EPAS1: variants seen among roughly 807,000 people sequenced by gnomAD.
EPAS1 encodes the protein endothelial PAS domain protein 1, also known as endothelial PAS domain-containing protein 1.
In EPAS1, 23 loss-of-function variants were observed where a neutral mutation model predicts 87.9. That is an observed-to-expected ratio of 0.26 (90% CI 0.19 to 0.37). The LOEUF is 0.37. Ranked by LOEUF, EPAS1 falls within the 10% of genes least tolerant of loss-of-function variation. EPAS1 has a pLI of 1.00. For synonymous variants in EPAS1, 508 were observed against 444.3 expected (o/e 1.14, Z -1.80); for missense variants, 1,138 against 1,120.7 (o/e 1.02, Z -0.22).
chr2:46,322,510 C>T (rs533535986), intron 1 of EPAS1, among the ~76,000 whole-genome samples: 6 of 152,320 alleles, frequency 3.9e-5, no homozygotes, highest in South Asian at 2.1e-4. Context: ...ATTTCTTACT[C>T]GGCCCGCAGG....
Position 46,375,600 on chromosome 2 carries a change from A to G in EPAS1, c.887-90A>G. The G allele has an allele frequency of 2.0e-6, 3 of 1,504,038 alleles. No individual in the cohort carries two copies. Among genetic ancestry groups the G allele is most frequent in the Middle Eastern group, 1.8e-4 (1 of 5,538 alleles). The allele number at this position is 1,504,038 out of a possible 1,614,324, so 93.2% of individuals were successfully genotyped here. On this transcript the variant is annotated intron_variant, in intron 7 of 15. Coordinates refer to ENST00000263734, the MANE Select transcript of EPAS1 (RefSeq NM_001430.5). This position sits in a 1 kb window ranked among gnomAD's most constrained non-coding sequence, Gnocchi z 4.1. Reference sequence around the variant, plus strand: ...CCCTGTTCTGTCTGTTCCCCTGCAGATTAGACTGCCCTCCCATGCGATCTG... The same window carrying G: ...CCCTGTTCTGTCTGTTCCCCTGCAGGTTAGACTGCCCTCCCATGCGATCTG...
At chr2:46,314,205 C>T (rs902937619) in intron 1 of EPAS1, among the ~76,000 whole-genome samples, 9 of 152,096 alleles carry the variant, frequency 5.9e-5, no homozygotes, top group Admixed American at 1.3e-4. Context: ...ATGTTTACAC[C>T]GGAGGAGTAG....
intron 6 of EPAS1, among the ~76,000 whole-genome samples, chr2:46,367,497 G>A (rs895288943): frequency 2.6e-5 from 4 of 152,244 alleles, no homozygotes; most frequent in African/African-American, 7.2e-5. Flanking sequence ...CCATTTGATC[G>A]TAGGACCAGC....
At position 46,356,579 on chromosome 2, in the gene EPAS1, G is replaced by A. The variant is rs1440549110; in HGVS notation, c.370-145G>A. 4.0e-6 allele frequency: 3 copies of A among 758,820 alleles called. No homozygotes were observed. In the African/African-American group the frequency reaches 5.1e-5, roughly 13 times the overall value. The allele number at this position is 758,820 out of a possible 1,614,324, so 47.0% of individuals were successfully genotyped here. ...AGTCCCCGATTACATCTTTCTGTCT[G>A]TGGACCTGACACTGGACTGGGATTA... On this transcript the variant is annotated intron_variant, in intron 3 of 15. Transcript: ENST00000263734.
At chr2:46,325,403 T>C (rs930969596) in intron 1 of EPAS1, among the ~76,000 whole-genome samples, 4 of 152,218 alleles carry the variant, frequency 2.6e-5, no homozygotes, top group African/African-American at 7.2e-5. Flanking sequence ...GCTGAGGGAC[T>C]AGGAGAGGCA....
intron 1 of EPAS1, among the ~76,000 whole-genome samples, chr2:46,331,607 A>C (rs1354133140): frequency 6.6e-6 from 1 of 152,246 alleles, no homozygotes; most frequent in South Asian, 2.1e-4. Context: ...CGTCACTCCA[A>C]TGAAGCCAAA....
intron 1 of EPAS1, among the ~76,000 whole-genome samples, chr2:46,307,081 T>C (rs1867784): frequency 0.41 from 61,670 of 152,170 alleles, 15,036 homozygotes; most frequent in Middle Eastern, 0.58. Context: ...TCCAGTGAGA[T>C]TGCTTTCGCA....
Position 46,386,389 on chromosome 2 carries a change from T to C in EPAS1, c.*1729T>C, listed in dbSNP as rs540325300. 6.6e-6 allele frequency: 1 copy of C among 152,646 alleles called. No individual in the cohort carries two copies. Among genetic ancestry groups the C allele is most frequent in the Non-Finnish European group, 1.5e-5 (1 of 68,040 alleles). 9.5% of individuals were successfully genotyped at this position (152,646 alleles called of 1,614,324 possible). A position where few individuals can be genotyped will look rare whatever the true frequency, so the allele number is the denominator to read the frequency against. Reference sequence around the variant, plus strand: ...TTCCTTAGTCATGGTGTTGCGTAAATCATATTTTAGCTGCACGGCATTACC... The same window carrying C: ...TTCCTTAGTCATGGTGTTGCGTAAACCATATTTTAGCTGCACGGCATTACC... On this transcript the variant is annotated 3_prime_UTR_variant, in exon 16 of 16. Coordinates refer to ENST00000263734, the MANE Select transcript of EPAS1 (RefSeq NM_001430.5).
intron 3 of EPAS1, 37 bp downstream of exon 3, chr2:46,356,339 G>A: frequency 6.2e-7 from 1 of 1,613,536 alleles, no homozygotes; most frequent in East Asian, 2.2e-5. Context: ...AAGAAGAAAT[G>A]TTTCCATTTG....
chr2:46,346,161 G>A lies in EPAS1; in HGVS notation c.27-712G>A, dbSNP rs986300130. On this transcript the variant is annotated intron_variant, in intron 1 of 15. Coordinates refer to ENST00000263734, the MANE Select transcript of EPAS1 (RefSeq NM_001430.5). The surrounding 1 kb of genome is among the most constrained non-coding windows in gnomAD (Gnocchi z 4.0). ...CAGGCTTCAGTGCGTGTCATCTTTC[G>A]TTCCATCCTGCAGCAAAGAGGAGAA... Among the ~76,000 whole-genome samples, 6 of 152,162 alleles carry A rather than the reference G, an allele frequency of 3.9e-5. No homozygotes were observed. The highest frequency in any genetic ancestry group is 5.9e-5 in the Non-Finnish European group (4 of 68,032).
chr2:46,297,617 C>T lies in EPAS1; in HGVS notation c.-295C>T. The T allele has an allele frequency of 4.4e-6, 2 of 457,012 alleles. No individual in the cohort carries two copies. The highest frequency in any genetic ancestry group is 4.0e-6 in the Non-Finnish European group (1 of 252,242). The allele number at this position is 457,012 out of a possible 1,614,324, so 28.3% of individuals were successfully genotyped here. ...GACTCCTTTTCCAGGGAAAAAGGAA[C>T]TTGGGTTCCCTTCTCTCCGTCCTCT... On this transcript the variant is annotated 5_prime_UTR_variant, in exon 1 of 16. Transcript: ENST00000263734.
intron 1 of EPAS1, among the ~76,000 whole-genome samples, chr2:46,315,938 A>C (rs1382016139): frequency 6.6e-6 from 1 of 152,216 alleles, no homozygotes; most frequent in East Asian, 1.9e-4. Context: ...TTTTCTTCTG[A>C]TTATAAAAAA....
chr2:46,379,620 T>TCTGCTTGTATTCCC (rs2103670842), intron 11 of EPAS1: 1 of 137,724 alleles, frequency 7.3e-6, no homozygotes, highest in East Asian at 1.8e-4. Flanking sequence ...GTTTTCCGCA[T>TCTGCTTGTATTCCC]CTGCTTGTAT....
chr2:46,336,840 C>T (rs1683802533), intron 1 of EPAS1, among the ~76,000 whole-genome samples: 1 of 152,228 alleles, frequency 6.6e-6, no homozygotes, highest in Non-Finnish European at 1.5e-5. Context: ...AACAAGATCC[C>T]TGGGTGATTC....
At chr2:46,315,115 T>C (rs1344870322) in intron 1 of EPAS1, among the ~76,000 whole-genome samples, 1 of 152,184 alleles carries the variant, frequency 6.6e-6, no homozygotes, top group East Asian at 1.9e-4. Context: ...AAATATCAAC[T>C]ACTGCAAAAG....
chr2:46,375,562 C>T lies in EPAS1; in HGVS notation c.887-128C>T. 2.6e-6 allele frequency: 3 copies of T among 1,166,976 alleles called. No homozygotes were observed. The highest frequency in any genetic ancestry group is 1.3e-5 in the South Asian group (1 of 75,110). 72.3% of individuals were successfully genotyped at this position (1,166,976 alleles called of 1,614,324 possible). ...CTCCCAGGTCACTCTCCCTGGTCCT[C>T]ACTGTCGTGGCGCCCTGTTCTGTCT... is the stretch of plus-strand genomic sequence containing the variant. On this transcript the variant is annotated intron_variant, in intron 7 of 15. Coordinates refer to ENST00000263734, the MANE Select transcript of EPAS1 (RefSeq NM_001430.5). The surrounding 1 kb of genome is among the most constrained non-coding windows in gnomAD (Gnocchi z 4.1).
Position 46,379,510 on chromosome 2 carries a change from A to C in EPAS1, c.1555-717A>C, listed in dbSNP as rs112115742. 2.9e-3 allele frequency among the ~76,000 whole-genome samples: 444 copies of C among 152,298 alleles called. 6 individuals are homozygous for C. Among genetic ancestry groups the C allele is most frequent in the African/African-American group, 0.01 (430 of 41,558 alleles). ...CTGTAGTATATATCATGTGGCACTT[A>C]ATCACAGCTATCTGCTTCTGCTCCT... is the stretch of plus-strand genomic sequence containing the variant. On this transcript the variant is annotated intron_variant, in intron 11 of 15. Transcript: ENST00000263734.
chr2:46,343,800 C>T (rs780097622), intron 1 of EPAS1, among the ~76,000 whole-genome samples: 6 of 152,254 alleles, frequency 3.9e-5, no homozygotes, highest in Admixed American at 2.0e-4. Flanking sequence ...AAAGAGTATT[C>T]GCCTAGGAAG....
chr2:46,381,519 G>A, intron 12 of EPAS1, 77 bp from the exon 13 acceptor site: 3 of 1,609,544 alleles, frequency 1.9e-6, no homozygotes, highest in Non-Finnish European at 2.5e-6. Flanking sequence ...GGGACTGGAA[G>A]GGCCCCTAAG....
Sources: gnomAD v4.1 joint callset for allele counts (sites outside exome capture counted in the v4.1 genomes callset) on GRCh38, gnomAD v4.1.1 for gene constraint, Gnocchi (gnomAD v3.1) non-coding constraint, MANE v1.5 for transcripts, NCBI Gene and HGNC (gene_info 2026-07-23, HGNC 2026-07-21) for gene names.